COL6A5: variants seen among roughly 807,000 people sequenced by gnomAD.
COL6A5 encodes the protein collagen type VI alpha 5 chain, also known as collagen alpha-5(VI) chain.
A neutral mutation model predicts 65.6 loss-of-function variants in COL6A5; 48 were observed. The observed-to-expected ratio is 0.73, with a 90% CI of 0.58 to 0.93. The LOEUF is 0.93. Among genes scored for constraint, COL6A5 ranks in the 40% least tolerant of loss-of-function variants. The pLI is 0.00. For synonymous variants in COL6A5, 291 were observed against 322.8 expected (o/e 0.90, Z 1.05); for missense variants, 914 against 928.3 (o/e 0.98, Z 0.20).
At chr3:130,402,672 G>A (rs1936855580) in intron 12 of COL6A5, among the ~76,000 whole-genome samples, 1 of 152,122 alleles carries the variant, frequency 6.6e-6, no homozygotes, top group Non-Finnish European at 1.5e-5. Context: ...AATTGTGACT[G>A]GGGACAGGCA....
chr3:130,396,843 G>A (rs1936617953), intron 8 of COL6A5, among the ~76,000 whole-genome samples: 1 of 152,148 alleles, frequency 6.6e-6, no homozygotes, highest in Admixed American at 6.5e-5. Flanking sequence ...TGAAAAGACA[G>A]CACAAAACTT....
chr3:130,372,339 A>C (rs1338992691), intron 1 of COL6A5, among the ~76,000 whole-genome samples: 2 of 151,996 alleles, frequency 1.3e-5, no homozygotes, highest in Non-Finnish European at 2.9e-5. Context: ...ATGAAAATAT[A>C]TATTCACACC....
At chr3:130,376,379 C>T in exon 3 of COL6A5, 6 of 1,613,608 alleles carry the variant, frequency 3.7e-6, no homozygotes, top group Non-Finnish European at 5.1e-6. Flanking sequence ...ACCGTGTAGC[C>T]CTGGCCCAGT....
At chr3:130,367,552 T>G (rs978802819) in intron 1 of COL6A5, among the ~76,000 whole-genome samples, 1 of 152,238 alleles carries the variant, frequency 6.6e-6, no homozygotes, top group Non-Finnish European at 1.5e-5. Context: ...TAAAGAAGTT[T>G]GCAGTTCAGA....
chr3:130,371,512 A>T (rs1481085458), intron 1 of COL6A5, among the ~76,000 whole-genome samples: 1 of 152,200 alleles, frequency 6.6e-6, no homozygotes, highest in African/African-American at 2.4e-5. Context: ...GTCTAAAAAT[A>T]AACCCATCCA....
At chr3:130,461,273 G>T (rs1709695980) in intron 5 of COL6A5, among the ~76,000 whole-genome samples, 1 of 152,012 alleles carries the variant, frequency 6.6e-6, no homozygotes, top group South Asian at 2.1e-4. Context: ...GCTTTGGGGG[G>T]ATCAATATTT....
At chr3:130,367,483 A>G (rs1182328852) in intron 1 of COL6A5, among the ~76,000 whole-genome samples, 2 of 152,004 alleles carry the variant, frequency 1.3e-5, no homozygotes, top group Non-Finnish European at 2.9e-5. Flanking sequence ...CTTCCTGAAT[A>G]CTCACTCTGC....
chr3:130,425,481 A>G (rs776798713), intron 29 of COL6A5, among the ~76,000 whole-genome samples: 8 of 152,162 alleles, frequency 5.3e-5, no homozygotes, highest in Non-Finnish European at 1.0e-4. Context: ...ATTTGCAAAT[A>G]TATTAAGAAT....
At chr3:130,451,464 T>C (rs1464444178) in intron 4 of COL6A5, among the ~76,000 whole-genome samples, 2 of 151,868 alleles carry the variant, frequency 1.3e-5, no homozygotes, top group African/African-American at 4.8e-5. Flanking sequence ...GAGTGGATGG[T>C]AAAGTGACCG....
intron 2 of COL6A5, among the ~76,000 whole-genome samples, chr3:130,375,246 A>T (rs141650062): frequency 1.1e-4 from 16 of 152,128 alleles, no homozygotes; most frequent in African/African-American, 3.1e-4. Context: ...CACTTAACCA[A>T]GAGGTTCTGC....
chr3:130,439,234 T>G (rs893320052), intron 1 of COL6A5, among the ~76,000 whole-genome samples: 3 of 152,108 alleles, frequency 2.0e-5, no homozygotes, highest in African/African-American at 7.2e-5. Flanking sequence ...CCCCAGTGAG[T>G]GAATCTGGTC....
intron 4 of COL6A5, among the ~76,000 whole-genome samples, chr3:130,445,929 C>A (rs549904285): frequency 1.3e-5 from 2 of 152,194 alleles, no homozygotes; most frequent in South Asian, 2.1e-4. Context: ...TTTAGATGGG[C>A]CCTCAAAATT....
chr3:130,467,681 T>A (rs1709849261), intron 5 of COL6A5, among the ~76,000 whole-genome samples: 1 of 152,088 alleles, frequency 6.6e-6, no homozygotes, highest in African/African-American at 2.4e-5. Context: ...TCACTGTTAA[T>A]AACTTCACCC....
chr3:130,428,253 G>A (rs1388517358), upstream of COL6A5, among the ~76,000 whole-genome samples: 1 of 152,166 alleles, frequency 6.6e-6, no homozygotes, highest in African/African-American at 2.4e-5. Flanking sequence ...TTAAGATGCA[G>A]GCAACAGGCC....
At position 130,376,938 on chromosome 3, in the gene COL6A5, T is replaced by A. The variant is rs773587730; in HGVS notation, c.667+102T>A. 1.4e-4 allele frequency: 188 copies of A among 1,314,520 alleles called. 1 individual carries two copies. The highest frequency in any genetic ancestry group is 3.9e-4 in the Middle Eastern group (2 of 5,174). The allele number at this position is 1,314,520 out of a possible 1,614,324, so 81.4% of individuals were successfully genotyped here. Reference sequence around the variant, plus strand: ...CATGTTAGGTTTTCATGATTAGCCATGTTGAAGTATTGGAAACTTCTACAC... The same window carrying A: ...CATGTTAGGTTTTCATGATTAGCCAAGTTGAAGTATTGGAAACTTCTACAC... On this transcript the variant is annotated intron_variant and NMD_transcript_variant, in intron 3 of 41. Coordinates refer to the COL6A5 transcript ENST00000312481.
chr3:130,426,232 G>C lies in COL6A5; in HGVS notation c.5182G>C (p.Gly1728Arg), dbSNP rs1193425051. The change falls in exon 30 of 42, where the codon GGG becomes CGG. Residue 1728 changes from glycine (G) to arginine (R), a missense_variant and NMD_transcript_variant. Gly to Arg is a moderately radical substitution (Grantham distance 125). Transcript: ENST00000312481. ...TTCCTAGGGCATTAAAGGCATGGCAGGGCAGCCTGTATATTCTGTATGTAT... is the reference window on the plus strand; with the variant it reads ...TTCCTAGGGCATTAAAGGCATGGCACGGCAGCCTGTATATTCTGTATGTAT... 1.9e-6 allele frequency: 3 copies of C among 1,551,262 alleles called. No homozygotes were observed. In the Admixed American group the frequency reaches 5.9e-5, roughly 30 times the overall value.
chr3:130,373,104 T>G (rs1024846645), intron 1 of COL6A5, among the ~76,000 whole-genome samples: 4 of 152,236 alleles, frequency 2.6e-5, no homozygotes, highest in African/African-American at 9.6e-5. Flanking sequence ...GACGTGTAGC[T>G]GTTGGCTTTT....
At chr3:130,378,725 G>A (rs996001731) in intron 3 of COL6A5, among the ~76,000 whole-genome samples, 1 of 152,076 alleles carries the variant, frequency 6.6e-6, no homozygotes, top group African/African-American at 2.4e-5. Flanking sequence ...AACTCCGTGT[G>A]GCTGAATTCC....
Position 130,401,738 on chromosome 3 carries a change from TCAGCTTTAC to T in COL6A5, c.4135-23_4135-15del. ...AAAGTTTCTGACAATTGCTATTCCC[TCAGCTTTAC>T]TTTTTTTCCCCCAGGGAAATATTGC... On this transcript the variant is annotated splice_polypyrimidine_tract_variant and intron_variant and NMD_transcript_variant, in intron 11 of 41. Coordinates refer to the COL6A5 transcript ENST00000312481. 6.6e-7 allele frequency: 1 copy of T among 1,515,380 alleles called. No homozygotes were observed. The highest frequency in any genetic ancestry group is 9.0e-7 in the Non-Finnish European group (1 of 1,113,974). The allele number at this position is 1,515,380 out of a possible 1,614,324, so 93.9% of individuals were successfully genotyped here.
Sources: gnomAD v4.1 joint callset for allele counts (sites outside exome capture counted in the v4.1 genomes callset) on GRCh38, gnomAD v4.1.1 for gene constraint, MANE v1.5 for transcripts, NCBI Gene and HGNC (gene_info 2026-07-23, HGNC 2026-07-21) for gene names.